Variants in RBFOX1 observed in about 807,000 individuals in gnomAD.
The protein encoded by RBFOX1 is RNA binding fox-1 homolog 1, also known as RNA binding protein fox-1 homolog 1.
RBFOX1 carries 8 observed loss-of-function variants against 57.7 expected under a neutral mutation model. The ratio of observed to expected loss-of-function variants is 0.14; its 90% confidence interval spans 0.08 to 0.25. The LOEUF is 0.25. Among genes scored for constraint, RBFOX1 ranks in the 10% least tolerant of loss-of-function variants. The probability of loss-of-function intolerance (pLI) is 1.00; values close to 1 mark genes in which losing one functional copy is unlikely to be tolerated. For synonymous variants in RBFOX1, 326 were observed against 222.4 expected, an observed-to-expected ratio of 1.47 and a Z score of -4.15; for missense variants, 611 against 548.5, an observed-to-expected ratio of 1.11 and a Z score of -1.14.
intron 4 of RBFOX1, among the ~76,000 whole-genome samples, chr16:7,251,904 C>G (rs188825585): frequency 2.6e-5 from 4 of 152,146 alleles, no homozygotes; most frequent in Admixed American, 6.6e-5. Flanking sequence ...TTTTAAGGAA[C>G]CTCCATACCA....
chr16:6,454,930 C>A (rs1288975277), intron 2 of RBFOX1, among the ~76,000 whole-genome samples: 3 of 140,794 alleles, frequency 2.1e-5, no homozygotes, highest in Non-Finnish European at 4.5e-5. Context: ...GTCACCCAGG[C>A]TGGAGTACAG....
At chr16:6,231,643 T>A (rs1417692963) in intron 1 of RBFOX1, among the ~76,000 whole-genome samples, 1 of 152,082 alleles carries the variant, frequency 6.6e-6, no homozygotes, top group Non-Finnish European at 1.5e-5. Context: ...GAGAAAAGAG[T>A]CTGAGGCCAC....
chr16:7,596,124 T>C (rs2094682169), intron 8 of RBFOX1, among the ~76,000 whole-genome samples: 1 of 25,510 alleles, frequency 3.9e-5, no homozygotes, highest in Non-Finnish European at 8.1e-5. Flanking sequence ...TTGTTTTTTG[T>C]GGAAAAAAAA....
intron 1 of RBFOX1, among the ~76,000 whole-genome samples, chr16:6,296,459 C>T (rs1208997134): frequency 5.4e-5 from 8 of 148,732 alleles, no homozygotes; most frequent in African/African-American, 9.9e-5. Flanking sequence ...CTCGCTCTGT[C>T]GCCCAGGCCG....
intron 3 of RBFOX1, among the ~76,000 whole-genome samples, chr16:6,735,756 C>A (rs527647986): frequency 6.6e-6 from 1 of 152,220 alleles, no homozygotes; most frequent in Non-Finnish European, 1.5e-5. Context: ...CATGATAGTT[C>A]CCAAGTGGCA....
chr16:6,859,177 A>ATATATATACGTGTATATATG (rs1567593574), intron 3 of RBFOX1, among the ~76,000 whole-genome samples: 1 of 82,012 alleles, frequency 1.2e-5, no homozygotes, highest in Admixed American at 1.2e-4. Context: ...ATATATATGT[A>ATATATATACGTGTATATATG]TATATATGTA....
intron 1 of RBFOX1, among the ~76,000 whole-genome samples, chr16:6,103,513 G>C (rs1043412522): frequency 4.6e-5 from 7 of 152,022 alleles, no homozygotes; most frequent in African/African-American, 1.7e-4. Context: ...GTACTTAACA[G>C]CATCAAAGTT....
chr16:5,940,590 A>G (rs2059259350), intron 4 of RBFOX1, among the ~76,000 whole-genome samples: 1 of 152,230 alleles, frequency 6.6e-6, no homozygotes, highest in Non-Finnish European at 1.5e-5. Context: ...AAAAATTTCA[A>G]TCAGGGCTCT....
chr16:6,730,836 C>T (rs902228498), intron 3 of RBFOX1, among the ~76,000 whole-genome samples: 1 of 152,158 alleles, frequency 6.6e-6, no homozygotes, highest in African/African-American at 2.4e-5. Context: ...AGCAGAGCCG[C>T]AAGGGGACTG....
chr16:6,009,683 G>A (rs753343297), intron 4 of RBFOX1, among the ~76,000 whole-genome samples: 12 of 152,146 alleles, frequency 7.9e-5, no homozygotes, highest in Middle Eastern at 3.4e-3. Flanking sequence ...TTAAAATCAC[G>A]TTAAATCCCT....
intron 4 of RBFOX1, among the ~76,000 whole-genome samples, chr16:7,322,005 C>A (rs1357301574): frequency 5.3e-5 from 8 of 152,232 alleles, no homozygotes; most frequent in African/African-American, 1.9e-4. Flanking sequence ...GTCTTGTCTG[C>A]AAAACTAGGC....
At chr16:5,734,958 G>T (rs1010246130) in intron 3 of RBFOX1, among the ~76,000 whole-genome samples, 1 of 152,124 alleles carries the variant, frequency 6.6e-6, no homozygotes, top group Admixed American at 6.6e-5. Flanking sequence ...TGCAGATAAA[G>T]TTGGCTCACA....
At chr16:5,598,983 A>G (rs1373083539) in exon 3 of RBFOX1, 1 of 1,511,854 alleles carries the variant, frequency 6.6e-7, no homozygotes, top group African/African-American at 1.4e-5. Flanking sequence ...CATTTTGCTG[A>G]ACAGATTAGA....
chr16:5,291,325 C>T (rs1345844626), intron 1 of RBFOX1, among the ~76,000 whole-genome samples: 2 of 145,614 alleles, frequency 1.4e-5, no homozygotes, highest in African/African-American at 5.2e-5. Flanking sequence ...TGCAGTGACG[C>T]GATCTCTGCT....
At chr16:7,617,277 G>A (rs899403816) in intron 10 of RBFOX1, among the ~76,000 whole-genome samples, 1 of 152,196 alleles carries the variant, frequency 6.6e-6, no homozygotes, top group Non-Finnish European at 1.5e-5. Context: ...AGTAGCCATA[G>A]ACAATGTGTA....
intron 9 of RBFOX1, among the ~76,000 whole-genome samples, chr16:7,599,647 TTTTC>T (rs1457111472): frequency 2.8e-5 from 1 of 36,342 alleles, no homozygotes; most frequent in African/African-American, 4.4e-5. Context: ...ACTTTTTTTT[TTTTC>T]TTTTTTTTTT....
intron 3 of RBFOX1, among the ~76,000 whole-genome samples, chr16:6,717,191 C>T (rs12928607): frequency 0.52 from 78,153 of 151,732 alleles, 21,656 homozygotes; most frequent in Middle Eastern, 0.74. Flanking sequence ...TACAGCAACT[C>T]GACTAAAATG....
At chr16:7,637,626 C>A (rs918445195) in intron 11 of RBFOX1, among the ~76,000 whole-genome samples, 44 of 152,258 alleles carry the variant, frequency 2.9e-4, no homozygotes, top group African/African-American at 9.9e-4. Flanking sequence ...GGGCTGGACT[C>A]AGTTACTAGA....
chr16:7,639,835 A>C (rs1291419007), intron 11 of RBFOX1, among the ~76,000 whole-genome samples: 1 of 152,144 alleles, frequency 6.6e-6, no homozygotes, highest in East Asian at 1.9e-4. Context: ...TCAGACACCT[A>C]CTAGGTGCCA....
Sources: allele counts gnomAD v4.1 joint callset (sites outside exome capture counted in the v4.1 genomes callset), GRCh38; gene constraint gnomAD v4.1.1; transcripts MANE v1.5; gene names NCBI Gene and HGNC (gene_info 2026-07-23, HGNC 2026-07-21).